SELP: variants seen among roughly 807,000 people sequenced by gnomAD.
SELP encodes P-selectin.
In SELP, 92 loss-of-function variants were observed where a neutral mutation model predicts 104.1. That is an observed-to-expected ratio of 0.88 (90% CI 0.75 to 1.05). The LOEUF (loss-of-function observed/expected upper bound fraction) is 1.05. Ranked by LOEUF, SELP falls within the 50% of genes least tolerant of loss-of-function variation. The probability of loss-of-function intolerance (pLI) is 0.00; values close to 1 mark genes in which losing one functional copy is unlikely to be tolerated. For synonymous variants in SELP, 397 were observed against 364.5 expected (o/e 1.09, Z -1.01); for missense variants, 1,022 against 1,017.3 (o/e 1.00, Z -0.06).
chr1:169,594,207 A>T lies in SELP; in HGVS notation c.2288-483T>A, dbSNP rs150435918. 1.2e-4 allele frequency among the ~76,000 whole-genome samples: 18 copies of T among 152,332 alleles called. No homozygotes were observed. In the East Asian group the frequency reaches 3.5e-3, roughly 29 times the overall value. ...AATAAACTGTGCATAATTTTTTGGC[A>T]AAGATTCAGTTATGTAACAAAAGGC... On this transcript the variant is annotated intron_variant, in intron 13 of 16. Coordinates refer to ENST00000263686, the MANE Select transcript of SELP (RefSeq NM_003005.4).
rs1167089524 is a variant in SELP at position 169,612,202 on chromosome 1, C to A, written c.961+15G>T. On this transcript the variant is annotated intron_variant, in intron 6 of 16. Transcript: ENST00000263686. The stretch of plus-strand genomic sequence containing the variant: ...GTGCAATGGACATTATACATCCCAA[C>A]TACCTGAAACTCACCTTTACACACT... The A allele has an allele frequency of 6.2e-7, 1 of 1,612,158 alleles. No individual in the cohort carries two copies. Among genetic ancestry groups the A allele is most frequent in the East Asian group, 2.2e-5 (1 of 44,854 alleles).
chr1:169,591,318 C>T (rs1372435596), intron 15 of SELP, 108 bp downstream of exon 15: 2 of 650,972 alleles, frequency 3.1e-6, no homozygotes, highest in Non-Finnish European at 5.4e-6. Context: ...TTGCAAAAGA[C>T]ATTGTAAAAA....
At position 169,591,421 on chromosome 1, in the gene SELP, C is replaced by A; in HGVS notation, c.2438+5G>T. The stretch of plus-strand genomic sequence containing the variant: ...TTACTCAATCATAAAACATTTCTAC[C>A]TTACCTGTGAGGATTCAAGGGGCAT... On this transcript the variant is annotated splice_donor_5th_base_variant and intron_variant, in intron 15 of 16. Transcript: ENST00000263686. 1 of 1,576,848 alleles carries A rather than the reference C, an allele frequency of 6.3e-7. No homozygotes were observed. Among genetic ancestry groups the A allele is most frequent in the South Asian group, 1.2e-5 (1 of 84,808 alleles).
At chr1:169,595,223 A>C (rs1661545187) in intron 12 of SELP, among the ~76,000 whole-genome samples, 1 of 152,204 alleles carries the variant, frequency 6.6e-6, no homozygotes, top group Non-Finnish European at 1.5e-5. Context: ...ATTTGTGATC[A>C]ACTGGCATGT....
chr1:169,597,969 C>T (rs3917797), intron 10 of SELP, among the ~76,000 whole-genome samples: 32,096 of 152,128 alleles, frequency 0.21, 5,784 homozygotes, highest in African/African-American at 0.49. Flanking sequence ...AACTGATGTG[C>T]TGTCATGTCC....
intron 11 of SELP, among the ~76,000 whole-genome samples, chr1:169,596,351 T>C (rs1157172091): frequency 6.6e-6 from 1 of 152,190 alleles, no homozygotes; most frequent in African/African-American, 2.4e-5. Context: ...ATGATTCTCC[T>C]GGCCAAGAGA....
intron 7 of SELP, among the ~76,000 whole-genome samples, chr1:169,610,779 AAAACAAACAAACAAACAAAC>A (rs76632064): frequency 6.6e-6 from 1 of 150,996 alleles, no homozygotes; most frequent in African/African-American, 2.5e-5. Context: ...ACTCTGTCTC[AAAACAAACAAACAAACAAAC>A]AAACAAACAA....
intron 11 of SELP, 38 bp downstream of exon 11, chr1:169,596,953 C>G (rs777154626): frequency 2.0e-6 from 3 of 1,522,180 alleles, no homozygotes; most frequent in South Asian, 2.5e-5. Flanking sequence ...GAATAAATTT[C>G]CAAAAGTAGA....
At chr1:169,598,263 C>A (rs960612885) in intron 10 of SELP, among the ~76,000 whole-genome samples, 1 of 152,158 alleles carries the variant, frequency 6.6e-6, no homozygotes, top group African/African-American at 2.4e-5. Context: ...GGGTTATAGA[C>A]AAATGAAGTG....
Position 169,607,084 on chromosome 1 carries a change from A to G in SELP, c.1384T>C (p.Ser462Pro). Reference sequence around the variant, plus strand: ...TACCTAAAGGCACCGAAGGGGTGGGAGCAGTTCACCCGGGCCTCATTTGGA... The same window carrying G: ...TACCTAAAGGCACCGAAGGGGTGGGGGCAGTTCACCCGGGCCTCATTTGGA... Reference protein sequence around the residue: ...PVPNEARVNCSHPFGAFRYQS... With the variant: ...PVPNEARVNCPHPFGAFRYQS... The change falls in exon 9 of 17, where the codon TCC becomes CCC. Residue 462 changes from serine to proline, a missense_variant. Ser to Pro is a moderately conservative substitution (Grantham distance 74, BLOSUM62 -1). Transcript: ENST00000263686. 6.2e-7 allele frequency: 1 copy of G among 1,611,538 alleles called. No individual in the cohort carries two copies. Among genetic ancestry groups the G allele is most frequent in the Non-Finnish European group, 8.5e-7 (1 of 1,177,902 alleles).
chr1:169,617,451 C>T (rs1054707741), intron 2 of SELP, 37 bp from the exon 3 acceptor site: 16 of 1,584,648 alleles, frequency 1.0e-5, no homozygotes, highest in Admixed American at 1.8e-5. Flanking sequence ...GTTAGTACCC[C>T]TCACCAAAAA....
chr1:169,618,625 C>T (rs1662943015), intron 2 of SELP, among the ~76,000 whole-genome samples: 1 of 152,152 alleles, frequency 6.6e-6, no homozygotes, highest in Non-Finnish European at 1.5e-5. Flanking sequence ...CATGCTTGTA[C>T]CTCCCTTGCT....
Position 169,590,212 on chromosome 1 carries a change from A to G in SELP, c.2439-10T>C. 6.2e-7 allele frequency: 1 copy of G among 1,609,364 alleles called. No homozygotes were observed. The highest frequency in any genetic ancestry group is 2.2e-5 in the East Asian group (1 of 44,850). ...ATATGTTCCTAGGTGGCTAAAGAAC[A>G]GAAACACAAGGATGGCAACAATATA... On this transcript the variant is annotated splice_polypyrimidine_tract_variant and intron_variant, in intron 15 of 16. Coordinates refer to ENST00000263686, the MANE Select transcript of SELP (RefSeq NM_003005.4).
At chr1:169,613,790 G>C in intron 3 of SELP, 97 bp from the exon 4 acceptor site, 1 of 963,448 alleles carries the variant, frequency 1.0e-6, no homozygotes, top group Non-Finnish European at 1.7e-6. Flanking sequence ...CTCTCAGATA[G>C]GACTGAGCTA....
intron 16 of SELP, 47 bp downstream of exon 16, chr1:169,590,100 T>C (rs764349372): frequency 2.9e-5 from 36 of 1,243,632 alleles, no homozygotes; most frequent in Non-Finnish European, 3.8e-5. Flanking sequence ...CTTCCATTTT[T>C]CCCTAGTGTT....
chr1:169,626,713 G>A (rs1663391902), intron 1 of SELP, among the ~76,000 whole-genome samples: 1 of 152,238 alleles, frequency 6.6e-6, no homozygotes, highest in South Asian at 2.1e-4. Flanking sequence ...GTGGGGCTGG[G>A]GGACAGGGTC....
chr1:169,627,281 G>T (rs1185083288), intron 1 of SELP, among the ~76,000 whole-genome samples: 1 of 152,146 alleles, frequency 6.6e-6, no homozygotes, highest in Non-Finnish European at 1.5e-5. Context: ...GGTGGAAAAA[G>T]AAATACAGTG....
intron 1 of SELP, among the ~76,000 whole-genome samples, chr1:169,626,098 A>G (rs569657348): frequency 1.3e-5 from 2 of 152,360 alleles, no homozygotes; most frequent in East Asian, 3.9e-4. Context: ...CATTAAAGGA[A>G]GAAGAAAAAG....
intron 4 of SELP, 74 bp downstream of exon 4, chr1:169,613,512 A>T: frequency 5.1e-6 from 6 of 1,171,476 alleles, no homozygotes; most frequent in Non-Finnish European, 7.6e-6. Flanking sequence ...GAGAGACTTC[A>T]ACATGATTTA....
Sources: allele counts gnomAD v4.1 joint callset (sites outside exome capture counted in the v4.1 genomes callset), GRCh38; gene constraint gnomAD v4.1.1; transcripts MANE v1.5; gene names NCBI Gene and HGNC (gene_info 2026-07-23, HGNC 2026-07-21).